Variants in ZNF407 observed in about 807,000 individuals in gnomAD.
ZNF407 encodes the protein zinc finger protein 407.
In ZNF407, 17 loss-of-function variants were observed where a neutral mutation model predicts 131.2. The ratio of observed to expected loss-of-function variants is 0.13; its 90% CI spans 0.09 to 0.19. The LOEUF (loss-of-function observed/expected upper bound fraction) is 0.19, where lower values mean the gene tolerates loss of function less well. Ranked by LOEUF, ZNF407 falls within the 10% of genes least tolerant of loss-of-function variation. The probability of loss-of-function intolerance (pLI) is 1.00; values close to 1 mark genes in which losing one functional copy is unlikely to be tolerated. For synonymous variants in ZNF407, 1,156 were observed against 1,062.0 expected (o/e 1.09, Z -1.72); for missense variants, 2,681 against 2,830.6 (o/e 0.95, Z 1.20).
Position 74,632,658 on chromosome 18 carries a change from G to C in ZNF407, c.1639G>C (p.Val547Leu), listed in dbSNP as rs759921804. The change falls in exon 2 of 9, where the codon GTG becomes CTG. Residue 547 changes from valine (V) to leucine (L), a missense_variant. This residue lies in a region of ZNF407 where 1,789 missense variants were observed against 1,748.7 expected (regional missense o/e 1.02). Coordinates refer to ENST00000299687, the MANE Select transcript of ZNF407 (RefSeq NM_017757.3). ...ATNRTDLEIH[V>L]KRCHAREMKF... ...AAATAGGACAGATTTGGAAATCCATGTGAAAAGGTGCCATGCCAGAGAGAT... is the reference window on the plus strand; with the variant it reads ...AAATAGGACAGATTTGGAAATCCATCTGAAAAGGTGCCATGCCAGAGAGAT... 2 of 1,614,068 alleles carry C rather than the reference G, an allele frequency of 1.2e-6. No homozygotes were observed. The highest frequency in any genetic ancestry group is 1.7e-6 in the Non-Finnish European group (2 of 1,179,912).
intron 3 of ZNF407, among the ~76,000 whole-genome samples, chr18:74,748,876 C>T (rs1056434796): frequency 2.0e-5 from 3 of 152,164 alleles, no homozygotes; most frequent in Non-Finnish European, 2.9e-5. Context: ...CGTTGTGTCA[C>T]TGTGTGTTAT....
chr18:74,769,340 C>G (rs530852232), intron 3 of ZNF407, among the ~76,000 whole-genome samples: 1 of 152,066 alleles, frequency 6.6e-6, no homozygotes, highest in East Asian at 1.9e-4. Flanking sequence ...TAACAGAAGG[C>G]CCCACCAATG....
At chr18:74,629,436 A>G (rs929590144) in intron 1 of ZNF407, among the ~76,000 whole-genome samples, 3 of 152,216 alleles carry the variant, frequency 2.0e-5, no homozygotes, top group African/African-American at 7.2e-5. Flanking sequence ...TATATTTTAG[A>G]TGCAAGTCCC....
chr18:75,035,835 G>A (rs1309911655), intron 8 of ZNF407, among the ~76,000 whole-genome samples: 1 of 152,158 alleles, frequency 6.6e-6, no homozygotes, highest in African/African-American at 2.4e-5. Context: ...TCTTGTGATA[G>A]GGAGAGGTAT....
Position 75,064,205 on chromosome 18 carries a change from G to T in ZNF407, c.6484G>T (p.Gly2162Cys). 1 of 1,605,454 alleles carries T rather than the reference G, an allele frequency of 6.2e-7. No individual in the cohort carries two copies. Among genetic ancestry groups the T allele is most frequent in the African/African-American group, 1.3e-5 (1 of 74,916 alleles). Residue 2162 changes from glycine (G) to cysteine (C), a missense_variant, in exon 9 of 9, where the codon GGC (glycine) becomes TGC (cysteine). By Grantham distance (159) the Gly-to-Cys change is radical. Transcript: ENST00000299687. ...VQAMVQESSGGFSEGTTHYIL... is the reference protein window; with the variant it reads ...VQAMVQESSGCFSEGTTHYIL... ...GGCCATGGTGCAGGAGTCCAGTGGC[G>T]GCTTCTCCGAGGGCACCACGCACTA...
At chr18:74,661,794 A>G (rs1159589759) in intron 3 of ZNF407, among the ~76,000 whole-genome samples, 2 of 152,224 alleles carry the variant, frequency 1.3e-5, no homozygotes, top group Non-Finnish European at 2.9e-5. Flanking sequence ...GTGTGAAAAC[A>G]TGTTTTATTT....
chr18:74,793,031 C>T (rs1242470757), intron 4 of ZNF407, among the ~76,000 whole-genome samples: 1 of 152,194 alleles, frequency 6.6e-6, no homozygotes, highest in South Asian at 2.1e-4. Flanking sequence ...CTAAGACATG[C>T]AACTTAAATT....
Position 74,633,996 on chromosome 18 carries a change from T to C in ZNF407, c.2977T>C (p.Ser993Pro). 18 of 1,613,974 alleles carry C rather than the reference T, an allele frequency of 1.1e-5. No homozygotes were observed. The highest frequency in any genetic ancestry group is 1.5e-5 in the Non-Finnish European group (18 of 1,179,884). ...SHLLDKKEQI[S>P]SEPEDFAQPG... ...TCTTCTTGATAAAAAGGAGCAAATA[T>C]CTTCAGAGCCAGAGGACTTCGCCCA... Residue 993 changes from serine (S) to proline (P), a missense_variant, in exon 2 of 9, where the codon TCT (serine) becomes CCT (proline). By Grantham distance (74) the Ser-to-Pro change is moderately conservative. Around this residue, in one of 6 missense-constraint regions of ZNF407, gnomAD observed 1,789 missense variants for 1,748.7 expected, o/e 1.02. Coordinates refer to ENST00000299687, the MANE Select transcript of ZNF407 (RefSeq NM_017757.3).
At position 74,632,633 on chromosome 18, in the gene ZNF407, A is replaced by C; in HGVS notation, c.1614A>C (p.Thr538=). ...GTACAGACTGTGGGCAAGTAGCTAC[A>C]AATAGGACAGATTTGGAAATCCATG... ...CACTDCGQVA[T]NRTDLEIHVK... is the part of the protein sequence containing the mutation. The change falls in exon 2 of 9, where the codon ACA becomes ACC. Residue 538 remains threonine (T), a synonymous_variant. Coordinates refer to ENST00000299687, the MANE Select transcript of ZNF407 (RefSeq NM_017757.3). 6.2e-7 allele frequency: 1 copy of C among 1,614,048 alleles called. No individual in the cohort carries two copies. The highest frequency in any genetic ancestry group is 1.3e-5 in the African/African-American group (1 of 75,060).
rs1179265634 is a variant in ZNF407 at position 74,779,146 on chromosome 18, T to C, written c.4803-2282T>C. On this transcript the variant is annotated intron_variant, in intron 3 of 8. Coordinates refer to ENST00000299687, the MANE Select transcript of ZNF407 (RefSeq NM_017757.3). ...TTTTTTTTTTTTTGAGACGGAGGCT[T>C]GCTCTGTCGTCCAGGCTGGAGTGCA... is the stretch of plus-strand genomic sequence containing the variant. Among the ~76,000 whole-genome samples, 519 of 121,464 alleles carry C rather than the reference T, an allele frequency of 4.3e-3. 6 individuals carry two copies. The highest frequency in any genetic ancestry group is 0.015 in the African/African-American group (495 of 33,464). The allele number at this position is 121,464 out of a possible 152,430, so 79.7% of individuals were successfully genotyped here. A position where few individuals can be genotyped will look rare whatever the true frequency, so the allele number is the denominator to read the frequency against.
chr18:75,023,285 TTAAAA>T lies in ZNF407; in HGVS notation c.5429-39853_5429-39849del, dbSNP rs200592530. On this transcript the variant is annotated intron_variant, in intron 8 of 8. Coordinates refer to ENST00000299687, the MANE Select transcript of ZNF407 (RefSeq NM_017757.3). ...ACATCTTTCACATGTACCCTGGAACTTAAAATAAAATAAAATTACCACTTAGCATA... is the reference window on the plus strand; with the variant it reads ...ACATCTTTCACATGTACCCTGGAACTTAAAATAAAATTACCACTTAGCATA... 1.3e-3 allele frequency among the ~76,000 whole-genome samples: 205 copies of T among 152,146 alleles called. 1 individual carries two copies. The highest frequency in any genetic ancestry group is 4.6e-3 in the African/African-American group (193 of 41,508).
intron 8 of ZNF407, among the ~76,000 whole-genome samples, chr18:74,954,663 A>G (rs1003336272): frequency 6.6e-6 from 1 of 152,222 alleles, no homozygotes; most frequent in Admixed American, 6.5e-5. Context: ...CACTGCTTTT[A>G]TATAACCCAC....
chr18:74,889,569 C>G (rs1238699590), intron 6 of ZNF407, among the ~76,000 whole-genome samples: 1 of 152,050 alleles, frequency 6.6e-6, no homozygotes, highest in Non-Finnish European at 1.5e-5. Flanking sequence ...TTGGTTTTAA[C>G]CTCTCTAAGA....
intron 1 of ZNF407, among the ~76,000 whole-genome samples, chr18:74,605,203 A>G (rs918802254): frequency 6.7e-6 from 1 of 148,754 alleles, no homozygotes; most frequent in African/African-American, 2.5e-5. Context: ...TCAGTCTTGA[A>G]GAGCACCTCC....
chr18:74,885,655 A>C (rs187247679), intron 6 of ZNF407, among the ~76,000 whole-genome samples: 61 of 152,318 alleles, frequency 4.0e-4, no homozygotes, highest in African/African-American at 1.1e-3. Flanking sequence ...AAGAGAATGG[A>C]GATTGCAGAA....
intron 4 of ZNF407, among the ~76,000 whole-genome samples, chr18:74,852,025 G>A (rs943228647): frequency 6.6e-6 from 1 of 152,134 alleles, no homozygotes; most frequent in Non-Finnish European, 1.5e-5. Context: ...GGTCATAGAG[G>A]CATCTCCTGC....
chr18:74,878,289 G>GA (rs1424767189), intron 5 of ZNF407, among the ~76,000 whole-genome samples: 1 of 151,616 alleles, frequency 6.6e-6, no homozygotes, highest in African/African-American at 2.4e-5. Context: ...TTGTTTCAGG[G>GA]AAAAAAAATA....
chr18:75,025,431 T>TA (rs1205419914), intron 8 of ZNF407, among the ~76,000 whole-genome samples: 1 of 152,242 alleles, frequency 6.6e-6, no homozygotes, highest in African/African-American at 2.4e-5. Context: ...CAATCTTTCT[T>TA]TAGCTTAAGA....
rs755509 is a variant in ZNF407, at chr18:75,064,710, G to A, written c.*242G>A. On this transcript the variant is annotated 3_prime_UTR_variant, in exon 9 of 9. Transcript: ENST00000299687. ...TGCAGGGGAGGGCCGGGCGCAGGCC[G>A]CACAGGGAGCTCCGGTCCACTGGGG... 185,040 of 417,810 alleles carry A rather than the reference G, an allele frequency of 0.44. 45,083 individuals carry two copies. The highest frequency in any genetic ancestry group is 0.53 in the East Asian group (15,337 of 29,064). The allele number at this position is 417,810 out of a possible 1,614,324, so 25.9% of individuals were successfully genotyped here.
Sources: allele counts gnomAD v4.1 joint callset (sites outside exome capture counted in the v4.1 genomes callset), GRCh38; gene constraint gnomAD v4.1.1; regional missense constraint gnomAD v4.1.1; transcripts MANE v1.5; gene names NCBI Gene and HGNC (gene_info 2026-07-23, HGNC 2026-07-21).